Variants in KIF6 observed in about 807,000 individuals in gnomAD.
The protein encoded by KIF6 is kinesin family member 6.
In KIF6, 106 loss-of-function variants were observed where a neutral mutation model predicts 112.7. The observed-to-expected ratio is 0.94, with a 90% confidence interval of 0.80 to 1.11. The LOEUF (loss-of-function observed/expected upper bound fraction) is 1.11, where lower values mean the gene tolerates loss of function less well. KIF6 is among the 50% of genes least tolerant of loss of function. KIF6 has a pLI of 0.00. For missense variants in KIF6, 929 were observed against 964.0 expected, an observed-to-expected ratio of 0.96 and a Z score of 0.48; for synonymous variants, 339 against 339.9, an observed-to-expected ratio of 1.00 and a Z score of 0.03.
chr6:39,489,024 T>C (rs767702780), intron 13 of KIF6, among the ~76,000 whole-genome samples: 54 of 152,320 alleles, frequency 3.5e-4, no homozygotes, highest in Admixed American at 7.2e-4. Flanking sequence ...ATCCCTATTT[T>C]GCCCCCTTGA....
chr6:39,713,986 T>C (rs1457627534), intron 3 of KIF6, among the ~76,000 whole-genome samples: 1 of 152,200 alleles, frequency 6.6e-6, no homozygotes, highest in Non-Finnish European at 1.5e-5. Flanking sequence ...CTTGGGATTA[T>C]CATTAGGTCA....
intron 13 of KIF6, among the ~76,000 whole-genome samples, chr6:39,487,729 G>A (rs115488963): frequency 0.027 from 4,121 of 152,290 alleles, 192 homozygotes; most frequent in African/African-American, 0.093. Context: ...CGAATGGGCA[G>A]TTTAGTGGCT....
intron 15 of KIF6, among the ~76,000 whole-genome samples, chr6:39,412,419 T>G (rs1460089303): frequency 6.6e-6 from 1 of 152,206 alleles, no homozygotes; most frequent in Non-Finnish European, 1.5e-5. Context: ...TTTTCAAGAG[T>G]CCCGTGATCT....
At chr6:39,392,010 T>C (rs1208468377) in intron 15 of KIF6, among the ~76,000 whole-genome samples, 3 of 152,184 alleles carry the variant, frequency 2.0e-5, no homozygotes, top group African/African-American at 7.2e-5. Flanking sequence ...TCATGTCTCA[T>C]GTCCTATTCT....
chr6:39,651,173 G>C (rs914852556), intron 3 of KIF6, among the ~76,000 whole-genome samples: 1 of 152,204 alleles, frequency 6.6e-6, no homozygotes, highest in African/African-American at 2.4e-5. Context: ...GGCCAAGTGA[G>C]AAAACTGTGT....
intron 1 of KIF6, among the ~76,000 whole-genome samples, chr6:39,722,790 T>G (rs1028534022): frequency 1.3e-5 from 2 of 152,198 alleles, no homozygotes; most frequent in African/African-American, 4.8e-5. Context: ...TATTTATTCA[T>G]TCCCATTCTC....
intron 14 of KIF6, among the ~76,000 whole-genome samples, chr6:39,421,247 C>T (rs773843516): frequency 5.3e-5 from 8 of 152,174 alleles, no homozygotes; most frequent in Non-Finnish European, 1.0e-4. Flanking sequence ...TGGGAGTGAC[C>T]TGGGTTTTGT....
chr6:39,597,345 T>C (rs1331223269), intron 6 of KIF6, among the ~76,000 whole-genome samples: 3 of 152,112 alleles, frequency 2.0e-5, no homozygotes, highest in East Asian at 3.9e-4. Context: ...TGTGAAAGAA[T>C]AACAATAAAA....
intron 14 of KIF6, among the ~76,000 whole-genome samples, chr6:39,420,501 C>T (rs374278484): frequency 2.6e-5 from 4 of 152,202 alleles, no homozygotes; most frequent in Non-Finnish European, 4.4e-5. Flanking sequence ...TATTCACTGA[C>T]GCATTTTCTG....
chr6:39,343,573 G>A lies in KIF6; in HGVS notation c.2428+136C>T. The A allele has an allele frequency of 8.2e-7, 1 of 1,221,332 alleles. No individual in the cohort carries two copies. Among genetic ancestry groups the A allele is most frequent in the Non-Finnish European group, 1.1e-6 (1 of 879,914 alleles). 75.7% of individuals were successfully genotyped at this position (1,221,332 alleles called of 1,614,324 possible). On this transcript the variant is annotated intron_variant, in intron 22 of 22. Coordinates refer to ENST00000287152, the MANE Select transcript of KIF6 (RefSeq NM_145027.6). The surrounding 1 kb of genome is among the most constrained non-coding windows in gnomAD (Gnocchi z 4.1). ...AAGGAATCAGAGGCTGGGCACATGT[G>A]ACTGACAGGCAGGCCAGTCCTGTGG...
chr6:39,619,392 T>C (rs1371009808), intron 5 of KIF6, among the ~76,000 whole-genome samples: 1 of 152,224 alleles, frequency 6.6e-6, no homozygotes, highest in African/African-American at 2.4e-5. Context: ...GTTATCCTGC[T>C]ACCATAAGCC....
At chr6:39,556,159 T>C (rs1779699382) in intron 10 of KIF6, among the ~76,000 whole-genome samples, 1 of 152,196 alleles carries the variant, frequency 6.6e-6, no homozygotes, top group Non-Finnish European at 1.5e-5. Context: ...CCTCTTTAAA[T>C]TCTACATTTA....
At chr6:39,476,465 C>G (rs546380304) in intron 13 of KIF6, among the ~76,000 whole-genome samples, 1 of 152,262 alleles carries the variant, frequency 6.6e-6, no homozygotes, top group South Asian at 2.1e-4. Context: ...ACAGAAACAA[C>G]AGAAGCGAAG....
chr6:39,408,956 G>A lies in KIF6; in HGVS notation c.1810+10992C>T, dbSNP rs140570207. On this transcript the variant is annotated intron_variant, in intron 15 of 22. Coordinates refer to ENST00000287152, the MANE Select transcript of KIF6 (RefSeq NM_145027.6). Reference sequence around the variant, plus strand: ...CCTTGACTAACTTAGTCCTCTTCCCGTTAACCTCTCTGCCTCTTTCCTTTA... The same window carrying A: ...CCTTGACTAACTTAGTCCTCTTCCCATTAACCTCTCTGCCTCTTTCCTTTA... Among the ~76,000 whole-genome samples the A allele has an allele frequency of 3.3e-4, 50 of 152,168 alleles. No homozygotes were observed. In the Middle Eastern group the frequency reaches 0.01, roughly 31 times the overall value.
intron 3 of KIF6, among the ~76,000 whole-genome samples, chr6:39,666,389 T>C (rs911522101): frequency 7.9e-5 from 12 of 152,336 alleles, no homozygotes; most frequent in Non-Finnish European, 1.3e-4. Context: ...TAACAGGAGC[T>C]ATGAATTGTA....
chr6:39,447,742 C>A (rs904907411), intron 13 of KIF6, among the ~76,000 whole-genome samples: 1 of 152,164 alleles, frequency 6.6e-6, no homozygotes, highest in East Asian at 1.9e-4. Flanking sequence ...CTTGGAAATG[C>A]TTCAACAGAG....
chr6:39,383,197 T>C (rs1358758635), intron 16 of KIF6, among the ~76,000 whole-genome samples: 2 of 152,192 alleles, frequency 1.3e-5, no homozygotes, highest in Admixed American at 6.5e-5. Flanking sequence ...TGTTTGATTT[T>C]GCTGCATTTG....
chr6:39,492,258 G>A (rs1775521450), intron 13 of KIF6, among the ~76,000 whole-genome samples: 1 of 152,212 alleles, frequency 6.6e-6, no homozygotes, highest in African/African-American at 2.4e-5. Flanking sequence ...GAACCAAAGT[G>A]GAGAAGGACT....
intron 14 of KIF6, among the ~76,000 whole-genome samples, chr6:39,425,868 C>T (rs570402167): frequency 6.6e-6 from 1 of 151,946 alleles, no homozygotes; most frequent in South Asian, 2.1e-4. Context: ...TCCTCCTCAC[C>T]ATGGGAGTTA....
Sources: gnomAD v4.1 joint callset for allele counts (sites outside exome capture counted in the v4.1 genomes callset) on GRCh38, gnomAD v4.1.1 for gene constraint, Gnocchi (gnomAD v3.1) non-coding constraint, MANE v1.5 for transcripts, NCBI Gene and HGNC (gene_info 2026-07-23, HGNC 2026-07-21) for gene names.